CCDC50: variants seen among roughly 807,000 people sequenced by gnomAD.
CCDC50 encodes the protein coiled-coil domain-containing protein 50.
Under a neutral mutation model 70.2 loss-of-function variants are expected in CCDC50, and 54 were observed. The observed-to-expected ratio is 0.77, with a 90% CI of 0.62 to 0.96. The LOEUF is 0.96. CCDC50 is among the 50% of genes least tolerant of loss of function. CCDC50 has a pLI of 0.00. For synonymous variants in CCDC50, 216 were observed against 198.8 expected, an observed-to-expected ratio of 1.09 and a Z score of -0.73; for missense variants, 558 against 578.7, an observed-to-expected ratio of 0.96 and a Z score of 0.37.
At chr3:191,372,141 G>A (rs1419569809) in intron 5 of CCDC50, among the ~76,000 whole-genome samples, 1 of 152,134 alleles carries the variant, frequency 6.6e-6, no homozygotes, top group Non-Finnish European at 1.5e-5. Flanking sequence ...TCTAGGGCAG[G>A]AGACTATGTT....
At chr3:191,346,732 TG>T in intron 1 of CCDC50, among the ~76,000 whole-genome samples, 1 of 152,280 alleles carries the variant, frequency 6.6e-6, no homozygotes, top group Middle Eastern at 3.4e-3. Context: ...GTTTTACCTC[TG>T]GTTATTGGAA....
intron 3 of CCDC50, among the ~76,000 whole-genome samples, chr3:191,360,772 G>A (rs944894417): frequency 6.6e-6 from 1 of 152,218 alleles, no homozygotes; most frequent in African/African-American, 2.4e-5. Flanking sequence ...GTGGGGTGAA[G>A]TGATAGGTGG....
In CCDC50 at chr3:191,353,087, G is replaced by A. The variant is rs1712156344; in HGVS notation, c.50-4001G>A. ...TGGATAGGGAAGCAGCTGTGTGCTC[G>A]AATTTCAGAGCAAAGTGCATTTCTT... On this transcript the variant is annotated intron_variant, in intron 1 of 11. Transcript: ENST00000392455. Among the ~76,000 whole-genome samples the A allele has an allele frequency of 1.4e-5, 2 of 141,828 alleles. 1 individual carries two copies. The highest frequency in any genetic ancestry group is 3.2e-5 in the Non-Finnish European group (2 of 62,938). The allele number at this position is 141,828 out of a possible 152,430, so 93.0% of individuals were successfully genotyped here.
chr3:191,345,054 G>T (rs1486563259), intron 1 of CCDC50, among the ~76,000 whole-genome samples: 1 of 152,124 alleles, frequency 6.6e-6, no homozygotes. Flanking sequence ...AATTTGATGG[G>T]CACTCAGAAT....
chr3:191,329,610 C>T lies in CCDC50; in HGVS notation c.-65C>T, dbSNP rs1004139010. On this transcript the variant is annotated 5_prime_UTR_variant, in exon 1 of 12. Transcript: ENST00000392455. ...CCGGCGCTGCTGCTGCGCTCGGGGC[C>T]CCGCTCGGCGCCGGCGGTGACCGGG... is the stretch of plus-strand genomic sequence containing the variant. The T allele has an allele frequency of 1.8e-5, 28 of 1,548,880 alleles. No homozygotes were observed. The highest frequency in any genetic ancestry group is 2.5e-5 in the Non-Finnish European group (28 of 1,142,676).
intron 5 of CCDC50, among the ~76,000 whole-genome samples, chr3:191,371,796 G>C (rs1712921925): frequency 6.6e-6 from 1 of 152,068 alleles, no homozygotes; most frequent in Non-Finnish European, 1.5e-5. Context: ...TGGTTTTTCT[G>C]ATGAATCTAT....
intron 6 of CCDC50, among the ~76,000 whole-genome samples, chr3:191,377,099 G>A (rs893237635): frequency 2.0e-5 from 3 of 152,176 alleles, no homozygotes; most frequent in African/African-American, 7.2e-5. Context: ...GAAAAACAAT[G>A]TTACCAGGCG....
intron 1 of CCDC50, among the ~76,000 whole-genome samples, chr3:191,344,290 C>G (rs559405624): frequency 6.6e-6 from 1 of 152,268 alleles, no homozygotes; most frequent in African/African-American, 2.4e-5. Context: ...CTAGAGCAGT[C>G]CTATCTAATA....
chr3:191,389,915 C>CAGTG (rs1713626055), intron 11 of CCDC50, among the ~76,000 whole-genome samples: 1 of 124,596 alleles, frequency 8.0e-6, no homozygotes, highest in African/African-American at 3.2e-5. Flanking sequence ...GGCTGGAATG[C>CAGTG]AGTGGCATGA....
At chr3:191,376,464 G>A (rs912301524) in intron 6 of CCDC50, among the ~76,000 whole-genome samples, 8 of 152,112 alleles carry the variant, frequency 5.3e-5, no homozygotes, top group Admixed American at 2.0e-4. Flanking sequence ...AACTGCTGAG[G>A]TGATGTTTTC....
Position 191,358,095 on chromosome 3 carries a change from G to T in CCDC50, c.210G>T (p.Gln70His). ...TCCAAGAGGAAGATCTGAAAGCGCA[G>T]GCCCAGCTCCAGAAGCGCTACAAAG... ...KQLQEEDLKA[Q>H]AQLQKRYKDL... The change falls in exon 3 of 12, where the codon CAG becomes CAT. Residue 70 changes from glutamine to histidine, a missense_variant. Gln to His is a conservative substitution (Grantham distance 24). Coordinates refer to ENST00000392455, the MANE Select transcript of CCDC50 (RefSeq NM_178335.3). The T allele has an allele frequency of 6.2e-7, 1 of 1,613,986 alleles. No homozygotes were observed. The highest frequency in any genetic ancestry group is 8.5e-7 in the Non-Finnish European group (1 of 1,179,902).
intron 6 of CCDC50, among the ~76,000 whole-genome samples, chr3:191,376,008 G>A (rs1306411140): frequency 6.6e-6 from 1 of 150,936 alleles, no homozygotes; most frequent in African/African-American, 2.4e-5. Context: ...GGCCGATAGA[G>A]CCGGAAATAC....
intron 1 of CCDC50, among the ~76,000 whole-genome samples, chr3:191,350,934 C>T (rs1328096552): frequency 7.1e-6 from 1 of 141,386 alleles, no homozygotes; most frequent in African/African-American, 2.5e-5. Context: ...AAATTTGAGA[C>T]TGTGTTCCTT....
chr3:191,338,675 A>G (rs896310691), intron 1 of CCDC50, among the ~76,000 whole-genome samples: 2 of 152,176 alleles, frequency 1.3e-5, no homozygotes, highest in African/African-American at 2.4e-5. Flanking sequence ...TTCTTTTTAT[A>G]GTTTCCCCAT....
chr3:191,381,331 T>C (rs974036551), intron 9 of CCDC50, among the ~76,000 whole-genome samples: 2 of 152,172 alleles, frequency 1.3e-5, no homozygotes, highest in Admixed American at 6.6e-5. Context: ...TTCATCTCTA[T>C]CATGTATCCG....
At chr3:191,385,712 T>C (rs1391448930) in intron 10 of CCDC50, among the ~76,000 whole-genome samples, 1 of 152,164 alleles carries the variant, frequency 6.6e-6, no homozygotes, top group African/African-American at 2.4e-5. Flanking sequence ...GGGGTCTTCT[T>C]AAATTATTTG....
At chr3:191,356,369 G>A (rs1049038182) in intron 1 of CCDC50, among the ~76,000 whole-genome samples, 2 of 152,196 alleles carry the variant, frequency 1.3e-5, no homozygotes, top group African/African-American at 4.8e-5. Context: ...GCCCTTGCCT[G>A]GCTCTTCAGG....
chr3:191,398,218 A>G lies in CCDC50; in HGVS notation c.*6458A>G, dbSNP rs1216180865. On this transcript the variant is annotated 3_prime_UTR_variant, in exon 12 of 12. Coordinates refer to ENST00000392455, the MANE Select transcript of CCDC50 (RefSeq NM_178335.3). ...TAAATGCCAATTGTACATCTACATT[A>G]ATTCATCTATGCAAACTTGTGTTTT... 1.3e-5 allele frequency: 2 copies of G among 152,232 alleles called. No individual in the cohort carries two copies. Among genetic ancestry groups the G allele is most frequent in the Admixed American group, 1.3e-4 (2 of 15,278 alleles). 9.4% of individuals were successfully genotyped at this position (152,232 alleles called of 1,614,324 possible). A position where few individuals can be genotyped will look rare whatever the true frequency, so the allele number is the denominator to read the frequency against.
intron 7 of CCDC50, 24 bp from the exon 8 acceptor site, chr3:191,380,663 G>T (rs763494794): frequency 6.2e-7 from 1 of 1,606,714 alleles, no homozygotes; most frequent in Non-Finnish European, 8.5e-7. Context: ...TAAATTCTTT[G>T]TTTTTGTATT....
Sources: allele counts gnomAD v4.1 joint callset (sites outside exome capture counted in the v4.1 genomes callset), GRCh38; gene constraint gnomAD v4.1.1; transcripts MANE v1.5; gene names NCBI Gene and HGNC (gene_info 2026-07-23, HGNC 2026-07-21).